RAB34: variants seen among roughly 807,000 people sequenced by gnomAD.
RAB34 encodes the protein ras-related protein Rab-34.
RAB34 carries 33 observed loss-of-function variants against 39.0 expected under a neutral mutation model. The ratio of observed to expected loss-of-function variants is 0.85; its 90% CI spans 0.64 to 1.13. RAB34 has a LOEUF of 1.13. Among genes scored for constraint, RAB34 ranks in the 50% most tolerant of loss-of-function variants. The pLI, the probability that RAB34 is intolerant of heterozygous loss-of-function variation, is 0.00. For synonymous variants in RAB34, 135 were observed against 125.1 expected, an observed-to-expected ratio of 1.08 and a Z score of -0.53; for missense variants, 289 against 326.1, an observed-to-expected ratio of 0.89 and a Z score of 0.88.
At position 28,715,795 on chromosome 17, in the gene RAB34, C is replaced by T. The variant is rs772500761; in HGVS notation, c.314+5G>A. ...GATAGCTGGAAGGGGTGTGGAAGCA[C>T]TCACAGCTGCAAACTGAAGGGAATG... On this transcript the variant is annotated splice_donor_5th_base_variant and intron_variant, in intron 4 of 9. Coordinates refer to ENST00000395245, the MANE Select transcript of RAB34 (RefSeq NM_031934.6). The T allele has an allele frequency of 2.5e-6, 4 of 1,613,622 alleles. No individual in the cohort carries two copies. The highest frequency in any genetic ancestry group is 1.1e-5 in the South Asian group (1 of 91,060).
upstream of RAB34, chr17:28,718,382 C>T (rs1263032379): frequency 2.3e-5 from 19 of 820,690 alleles, no homozygotes; most frequent in Non-Finnish European, 3.4e-5. Flanking sequence ...AGGAGAGAGA[C>T]GTCTGAAGTC....
At position 28,714,919 on chromosome 17, in the gene RAB34, A is replaced by C. The variant is rs369354775; in HGVS notation, c.605-19T>G. 1.5e-4 allele frequency: 242 copies of C among 1,610,374 alleles called. No homozygotes were observed. The highest frequency in any genetic ancestry group is 2.0e-4 in the Non-Finnish European group (232 of 1,176,782). Reference sequence around the variant, plus strand: ...TTCTCACCTGACACAGAGAGCAGATAGGTGCTCAGGGGCAGTGCTGGGTCT... The same window carrying C: ...TTCTCACCTGACACAGAGAGCAGATCGGTGCTCAGGGGCAGTGCTGGGTCT... On this transcript the variant is annotated intron_variant, in intron 8 of 9. Coordinates refer to ENST00000395245, the MANE Select transcript of RAB34 (RefSeq NM_031934.6).
chr17:28,716,415 C>T (rs563365128), intron 2 of RAB34: 2 of 292,920 alleles, frequency 6.8e-6, no homozygotes, highest in South Asian at 1.3e-4. Context: ...TCTAAGACAC[C>T]CTCCCCCCCG....
chr17:28,714,970 G>A (rs1247542928), intron 8 of RAB34, 62 bp downstream of exon 8: 3 of 1,588,172 alleles, frequency 1.9e-6, no homozygotes, highest in African/African-American at 1.3e-5. Context: ...AGCTGGAGGT[G>A]TAGCAGTGAG....
At position 28,717,564 on chromosome 17, in the gene RAB34, C is replaced by T. The variant is rs2033735165; in HGVS notation, c.-298G>A. On this transcript the variant is annotated 5_prime_UTR_variant, in exon 1 of 10. Transcript: ENST00000395245. ...GCCGCCAATTGGGGGCGGGGAGTCCCGTCTGGTGGGGGCCGGGCCCGCGCA... is the reference window on the plus strand; with the variant it reads ...GCCGCCAATTGGGGGCGGGGAGTCCTGTCTGGTGGGGGCCGGGCCCGCGCA... 3 of 1,419,072 alleles carry T rather than the reference C, an allele frequency of 2.1e-6. No individual in the cohort carries two copies. The highest frequency in any genetic ancestry group is 2.7e-5 in the East Asian group (1 of 37,498). The allele number at this position is 1,419,072 out of a possible 1,614,324, so 87.9% of individuals were successfully genotyped here.
Position 28,716,187 on chromosome 17 carries a change from C to G in RAB34, c.147-129G>C, listed in dbSNP as rs1597770694. On this transcript the variant is annotated intron_variant, in intron 2 of 9. Transcript: ENST00000395245. ...GAGGGTATTATAGACACCAGGCATC[C>G]CAGGCAGCTGCGTGGACAGGTGTGC... 8.3e-6 allele frequency: 11 copies of G among 1,317,916 alleles called. No individual in the cohort carries two copies. In the East Asian group the frequency reaches 2.7e-4, roughly 33 times the overall value. The allele number at this position is 1,317,916 out of a possible 1,614,324, so 81.6% of individuals were successfully genotyped here. A position where few individuals can be genotyped will look rare whatever the true frequency, so the allele number is the denominator to read the frequency against.
chr17:28,717,152 G>GCCT (rs1365722198), intron 1 of RAB34, 61 bp downstream of exon 1: 1 of 1,546,290 alleles, frequency 6.5e-7, no homozygotes, highest in African/African-American at 1.4e-5. Context: ...GTCTGGTGCC[G>GCCT]CCTCCTCCTC....
At chr17:28,717,137 A>G in intron 1 of RAB34, 76 bp downstream of exon 1, 1 of 1,538,610 alleles carries the variant, frequency 6.5e-7, no homozygotes, top group Non-Finnish European at 8.7e-7. Flanking sequence ...CCAGTCCTCT[A>G]ACTGGTCTGG....
intron 2 of RAB34, 84 bp downstream of exon 2, chr17:28,716,819 C>T: frequency 1.3e-6 from 2 of 1,494,188 alleles, no homozygotes; most frequent in Non-Finnish European, 1.8e-6. Flanking sequence ...GAAATGAAGC[C>T]CCAAGGGGGT....
chr17:28,715,305 G>A, intron 6 of RAB34, 29 bp from the exon 7 acceptor site: 6 of 1,604,638 alleles, frequency 3.7e-6, no homozygotes, highest in Non-Finnish European at 4.3e-6. Flanking sequence ...AGTAAGGGAT[G>A]AGTGAGTCTG....
chr17:28,717,831 C>G lies in RAB34; in HGVS notation c.-565G>C, dbSNP rs1281340231. ...CGAGGGGCCCAGTCCGGCTACAGGG[C>G]CTCGAGTCCCACTCCGCTCGGGCTC... On this transcript the variant is annotated 5_prime_UTR_variant, in exon 1 of 10. Coordinates refer to ENST00000395245, the MANE Select transcript of RAB34 (RefSeq NM_031934.6). The G allele has an allele frequency of 2.2e-6, 3 of 1,339,780 alleles. No homozygotes were observed. Among genetic ancestry groups the G allele is most frequent in the Non-Finnish European group, 2.8e-6 (3 of 1,052,654 alleles). The allele number at this position is 1,339,780 out of a possible 1,614,324, so 83.0% of individuals were successfully genotyped here. A position where few individuals can be genotyped will look rare whatever the true frequency, so the allele number is the denominator to read the frequency against.
upstream of RAB34, chr17:28,718,349 GGGT>G: frequency 8.2e-7 from 1 of 1,226,276 alleles, no homozygotes; most frequent in East Asian, 2.8e-5. Context: ...GGGGGTGCCA[GGGT>G]TAGAATGAGG....
chr17:28,718,152 C>T (rs2033863733), upstream of RAB34: 1 of 1,610,854 alleles, frequency 6.2e-7, no homozygotes, highest in Non-Finnish European at 8.5e-7. Flanking sequence ...GAATCGGAGA[C>T]TGCTGCGCAG....
chr17:28,715,526 C>T lies in RAB34; in HGVS notation c.380-19G>A, dbSNP rs749393893. ...ATGATGGCTGGAAGAGTGGCAGAAA[C>T]AGCCCCAGGTTGACAGGGAAGACAC... On this transcript the variant is annotated intron_variant, in intron 5 of 9. Coordinates refer to ENST00000395245, the MANE Select transcript of RAB34 (RefSeq NM_031934.6). 6.2e-6 allele frequency: 10 copies of T among 1,613,980 alleles called. No homozygotes were observed. In the South Asian group the frequency reaches 9.9e-5, roughly 16 times the overall value.
intron 4 of RAB34, 42 bp from the exon 5 acceptor site, chr17:28,715,747 G>T: frequency 6.8e-6 from 11 of 1,613,338 alleles, no homozygotes; most frequent in Non-Finnish European, 7.6e-6. Flanking sequence ...GTATCTTGGG[G>T]GGTGTGGGTG....
rs1444657276 is a variant in RAB34, at chr17:28,717,389, C to T, written c.-123G>A. The T allele has an allele frequency of 6.6e-7, 1 of 1,524,154 alleles. No individual in the cohort carries two copies. Among genetic ancestry groups the T allele is most frequent in the African/African-American group, 1.4e-5 (1 of 72,478 alleles). 94.4% of individuals were successfully genotyped at this position (1,524,154 alleles called of 1,614,324 possible). ...GGGTGTCCCGACTACAACTCGGGGC[C>T]ACGGGGACCCTACGGGAGTCCGCGG... On this transcript the variant is annotated 5_prime_UTR_variant, in exon 1 of 10. The change creates a premature stop within an existing upstream ORF in the 5' untranslated region. Coordinates refer to ENST00000395245, the MANE Select transcript of RAB34 (RefSeq NM_031934.6).
Position 28,715,831 on chromosome 17 carries a change from C to T in RAB34, c.283G>A (p.Glu95Lys). 2 of 1,614,064 alleles carry T rather than the reference C, an allele frequency of 1.2e-6. No individual in the cohort carries two copies. Among genetic ancestry groups the T allele is most frequent in the Non-Finnish European group, 8.5e-7 (1 of 1,180,006 alleles). Residue 95 changes from glutamate (E) to lysine (K), a missense_variant, in exon 4 of 10, where the codon GAG (glutamate) becomes AAG (lysine). Transcript: ENST00000395245. ...IGVDFEMERF[E>K]VLGIPFSLQL... The stretch of plus-strand genomic sequence containing the variant: ...AAACTGAAGGGAATGCCCAGCACCT[C>T]AAATCGTTCCATCTCGAAGTCCACT...
upstream of RAB34, chr17:28,718,079 C>A: frequency 6.3e-7 from 1 of 1,579,118 alleles, no homozygotes; most frequent in East Asian, 2.3e-5. Flanking sequence ...GCTGCTCTCC[C>A]CTGCACCTCT....
Position 28,717,615 on chromosome 17 carries a change from T to G in RAB34, c.-349A>C. On this transcript the variant is annotated 5_prime_UTR_variant, in exon 1 of 10. Transcript: ENST00000395245. The stretch of plus-strand genomic sequence containing the variant: ...GACCCTACGATTACGCGGGGCCGGA[T>G]AGTTCCTACGATTACGCGGGGCCGG... 7.2e-7 allele frequency: 1 copy of G among 1,390,510 alleles called. No individual in the cohort carries two copies. The highest frequency in any genetic ancestry group is 1.6e-5 in the South Asian group (1 of 61,982). 86.1% of individuals were successfully genotyped at this position (1,390,510 alleles called of 1,614,324 possible).
Sources: gnomAD v4.1 joint callset for allele counts on GRCh38, gnomAD v4.1.1 for gene constraint, MANE v1.5 for transcripts, NCBI Gene and HGNC (gene_info 2026-07-23, HGNC 2026-07-21) for gene names.